Variants in EML5 observed in about 807,000 individuals in gnomAD.
The protein encoded by EML5 is EMAP like 5, also known as echinoderm microtubule-associated protein-like 5.
Under a neutral mutation model 250.0 loss-of-function variants are expected in EML5, and 120 were observed. The observed-to-expected ratio is 0.48, with a 90% CI of 0.41 to 0.56. The LOEUF (loss-of-function observed/expected upper bound fraction) is 0.56, where lower values mean the gene tolerates loss of function less well. Ranked by LOEUF, EML5 falls within the 20% of genes least tolerant of loss-of-function variation. The pLI, the probability that EML5 is intolerant of heterozygous loss-of-function variation, is 0.00. For synonymous variants in EML5, 771 were observed against 806.5 expected (o/e 0.96, Z 0.75); for missense variants, 2,006 against 2,437.6 (o/e 0.82, Z 3.73).
chr14:88,738,353 C>CGTT (rs1182943101), intron 6 of EML5, among the ~76,000 whole-genome samples: 1 of 151,656 alleles, frequency 6.6e-6, no homozygotes, highest in Non-Finnish European at 1.5e-5. Flanking sequence ...AAACACAAAC[C>CGTT]TGTGGGTAGC....
intron 14 of EML5, 57 bp from the exon 15 acceptor site, chr14:88,697,009 AC>A: frequency 8.9e-7 from 1 of 1,123,248 alleles, no homozygotes; most frequent in South Asian, 2.1e-5. Context: ...TTCCATATCT[AC>A]TAAAAGGAAA....
At chr14:88,747,359 C>G (rs1339556940) in intron 2 of EML5, among the ~76,000 whole-genome samples, 1 of 152,082 alleles carries the variant, frequency 6.6e-6, no homozygotes, top group African/African-American at 2.4e-5. Flanking sequence ...TTGCAGAGAG[C>G]TGAGGTCGTT....
At chr14:88,723,210 TGA>T (rs1410601768) in intron 8 of EML5, among the ~76,000 whole-genome samples, 2 of 152,064 alleles carry the variant, frequency 1.3e-5, no homozygotes, top group African/African-American at 4.8e-5. Flanking sequence ...GCCAGGAGTT[TGA>T]GACAAGCCTG....
chr14:88,717,628 G>A (rs752884824), intron 8 of EML5, among the ~76,000 whole-genome samples: 3 of 152,124 alleles, frequency 2.0e-5, no homozygotes, highest in African/African-American at 4.8e-5. Flanking sequence ...GGTGGCATCC[G>A]CCTGTAATCC....
intron 2 of EML5, among the ~76,000 whole-genome samples, chr14:88,749,074 C>T (rs746835391): frequency 3.3e-5 from 5 of 150,648 alleles, no homozygotes; most frequent in Admixed American, 3.3e-4. Context: ...AAATTTAAGA[C>T]GTTCAACAAA....
At chr14:88,697,340 T>C (rs546651142) in intron 14 of EML5, among the ~76,000 whole-genome samples, 18 of 152,272 alleles carry the variant, frequency 1.2e-4, no homozygotes, top group African/African-American at 3.4e-4. Flanking sequence ...CACCTCTTAA[T>C]AGATGCTTAA....
At chr14:88,777,493 T>G (rs565558707) in intron 1 of EML5, among the ~76,000 whole-genome samples, 1 of 152,190 alleles carries the variant, frequency 6.6e-6, no homozygotes, top group South Asian at 2.1e-4. Context: ...CAAGTGGGTT[T>G]TGAAGGTACA....
chr14:88,741,883 A>T (rs981276705), intron 4 of EML5, among the ~76,000 whole-genome samples: 21 of 152,336 alleles, frequency 1.4e-4, no homozygotes, highest in Admixed American at 5.9e-4. Flanking sequence ...GCCTCAAAGA[A>T]CTAAAAATTA....
At chr14:88,616,996 G>A in intron 41 of EML5, 117 bp from the exon 42 acceptor site, 1 of 911,144 alleles carries the variant, frequency 1.1e-6, no homozygotes, top group Non-Finnish European at 1.6e-6. Context: ...TAAAATACAG[G>A]AAGTAAATTA....
intron 37 of EML5, chr14:88,621,527 T>A: frequency 1.8e-6 from 1 of 562,224 alleles, no homozygotes; most frequent in Non-Finnish European, 3.1e-6. Flanking sequence ...TGCTACAGAA[T>A]AGAACTTTTC....
At position 88,627,032 on chromosome 14, in the gene EML5, T is replaced by G; in HGVS notation, c.4546A>C (p.Ser1516Arg). The G allele has an allele frequency of 2.5e-6, 4 of 1,613,926 alleles. No individual in the cohort carries two copies. The South Asian group carries it at 4.4e-5, about 18-fold the overall frequency. ...ATACGTTGATTGTGACCAGCTCTGCTGGCAATTTTGGCACCTGACAAGATA... is the reference window on the plus strand; with the variant it reads ...ATACGTTGATTGTGACCAGCTCTGCGGGCAATTTTGGCACCTGACAAGATA... ...WRWQEGAKIASRAGHNQRIFV... is the reference protein window; with the variant it reads ...WRWQEGAKIARRAGHNQRIFV... The change falls in exon 35 of 44, where the codon AGC becomes CGC. Residue 1516 changes from serine to arginine, a missense_variant. By Grantham distance (110) the Ser-to-Arg change is moderately radical. Around this residue, in one of 7 missense-constraint regions of EML5, gnomAD observed 405 missense variants for 523.3 expected, o/e 0.77. Transcript: ENST00000554922.
intron 31 of EML5, 57 bp from the exon 32 acceptor site, chr14:88,638,964 G>A: frequency 7.6e-7 from 1 of 1,318,988 alleles, no homozygotes; most frequent in East Asian, 2.5e-5. Context: ...ACAGCCAAAA[G>A]CACTTACCCA....
chr14:88,668,998 G>A (rs996810858), intron 21 of EML5, among the ~76,000 whole-genome samples: 1 of 152,024 alleles, frequency 6.6e-6, no homozygotes, highest in African/African-American at 2.4e-5. Context: ...CATTGGGACT[G>A]ACAAGGTGGT....
At chr14:88,758,595 C>T (rs965225111) in intron 1 of EML5, among the ~76,000 whole-genome samples, 2 of 152,196 alleles carry the variant, frequency 1.3e-5, no homozygotes, top group Non-Finnish European at 2.9e-5. Context: ...AATGATGTAG[C>T]CTCTTTGGAA....
intron 17 of EML5, among the ~76,000 whole-genome samples, chr14:88,690,281 AGATCTGGC>A (rs2092927042): frequency 1.3e-5 from 2 of 152,238 alleles, no homozygotes; most frequent in African/African-American, 2.4e-5. Context: ...TGAAATGACA[AGATCTGGC>A]AATTGATTTA....
intron 21 of EML5, among the ~76,000 whole-genome samples, chr14:88,674,682 C>G (rs2092554208): frequency 6.6e-6 from 1 of 152,148 alleles, no homozygotes; most frequent in African/African-American, 2.4e-5. Context: ...CGTGCCTTCC[C>G]AACAGTCCAC....
intron 2 of EML5, among the ~76,000 whole-genome samples, chr14:88,751,582 G>C (rs896912109): frequency 6.6e-6 from 1 of 151,350 alleles, no homozygotes; most frequent in Non-Finnish European, 1.5e-5. Context: ...GTAGAAAATG[G>C]AATATCTACA....
At chr14:88,706,122 A>C in intron 11 of EML5, 137 bp downstream of exon 11, 1 of 787,948 alleles carries the variant, frequency 1.3e-6, no homozygotes, top group Non-Finnish European at 1.9e-6. Flanking sequence ...CTAATATTTT[A>C]ACTTGAAATT....
At chr14:88,775,023 C>T (rs2094433644) in intron 1 of EML5, among the ~76,000 whole-genome samples, 1 of 152,222 alleles carries the variant, frequency 6.6e-6, no homozygotes, top group African/African-American at 2.4e-5. Flanking sequence ...AGAAGGGAAA[C>T]TGCTGCCTTG....
Sources: allele counts gnomAD v4.1 joint callset (sites outside exome capture counted in the v4.1 genomes callset), GRCh38; gene constraint gnomAD v4.1.1; regional missense constraint gnomAD v4.1.1; transcripts MANE v1.5; gene names NCBI Gene and HGNC (gene_info 2026-07-23, HGNC 2026-07-21).